SP100: variants seen among roughly 807,000 people sequenced by gnomAD.
The protein encoded by SP100 is nuclear autoantigen Sp-100.
SP100 carries 84 observed loss-of-function variants against 130.0 expected under a neutral mutation model. The observed-to-expected ratio is 0.65, with a 90% confidence interval of 0.54 to 0.77. SP100 has a LOEUF of 0.77. SP100 is among the 30% of genes least tolerant of loss of function. The pLI is 0.00. For synonymous variants in SP100, 331 were observed against 351.7 expected (o/e 0.94, Z 0.66); for missense variants, 978 against 1,052.2 (o/e 0.93, Z 0.97).
At chr2:230,438,999 T>C (rs1460699975) in intron 2 of SP100, among the ~76,000 whole-genome samples, 2 of 152,170 alleles carry the variant, frequency 1.3e-5, no homozygotes, top group African/African-American at 4.8e-5. Context: ...TTTCACCACA[T>C]CCACGCCAAC....
chr2:230,455,124 G>T (rs1376512677), intron 8 of SP100, among the ~76,000 whole-genome samples: 1 of 152,008 alleles, frequency 6.6e-6, no homozygotes, highest in African/African-American at 2.4e-5. Context: ...ACCCAGACTG[G>T]AGTGCACTAG....
At chr2:230,441,993 T>A (rs1458130251) in intron 2 of SP100, among the ~76,000 whole-genome samples, 1 of 152,200 alleles carries the variant, frequency 6.6e-6, no homozygotes, top group Non-Finnish European at 1.5e-5. Context: ...TCTTTGTCAT[T>A]GTGAATCTAA....
At chr2:230,506,512 G>A (rs1363155585) in intron 22 of SP100, 67 bp downstream of exon 22, 1 of 1,545,378 alleles carries the variant, frequency 6.5e-7, no homozygotes, top group Non-Finnish European at 8.8e-7. Flanking sequence ...CCAAGCTTTA[G>A]CAGAATTTCT....
At chr2:230,432,126 A>G (rs942093938) in intron 2 of SP100, among the ~76,000 whole-genome samples, 7 of 152,164 alleles carry the variant, frequency 4.6e-5, no homozygotes, top group Non-Finnish European at 7.4e-5. Flanking sequence ...TTTCATGTAA[A>G]TGGACCATAT....
At chr2:230,492,179 A>G (rs1326173662) in intron 17 of SP100, among the ~76,000 whole-genome samples, 2 of 152,174 alleles carry the variant, frequency 1.3e-5, no homozygotes, top group East Asian at 3.8e-4. Context: ...CCTTTCAGCC[A>G]TTAACCTTGC....
chr2:230,444,095 C>T, intron 3 of SP100, 83 bp from the exon 4 acceptor site: 2 of 1,019,698 alleles, frequency 2.0e-6, no homozygotes, highest in East Asian at 5.0e-5. Context: ...AATTAGAATA[C>T]AGTAACCATA....
chr2:230,466,225 A>G, intron 11 of SP100, 76 bp from the exon 12 acceptor site: 5 of 748,314 alleles, frequency 6.7e-6, no homozygotes, highest in Non-Finnish European at 1.1e-5. Context: ...ACCCAAGCCC[A>G]TTTGCCATGT....
chr2:230,540,521 T>C (rs7574329), intron 25 of SP100, among the ~76,000 whole-genome samples: 4,715 of 152,320 alleles, frequency 0.031, 239 homozygotes, highest in African/African-American at 0.11. Context: ...GATTGACTCA[T>C]AGAGGCCCAA....
chr2:230,515,565 C>A (rs1374933670), intron 24 of SP100: 1 of 1,597,950 alleles, frequency 6.3e-7, no homozygotes, highest in East Asian at 2.3e-5. Context: ...CTGAAAAAAG[C>A]AAGAAAAAGA....
chr2:230,482,581 T>G (rs35393970), intron 17 of SP100, among the ~76,000 whole-genome samples: 2 of 152,030 alleles, frequency 1.3e-5, no homozygotes, highest in African/African-American at 2.4e-5. Context: ...ATTGATTTTT[T>G]TTTTTTAGTG....
intron 2 of SP100, among the ~76,000 whole-genome samples, chr2:230,433,049 CA>C (rs796518765): frequency 5.9e-5 from 9 of 152,190 alleles, no homozygotes; most frequent in African/African-American, 2.2e-4. Flanking sequence ...TTAAGGATTT[CA>C]AAACAGTGAA....
chr2:230,505,731 T>A (rs543716550), intron 21 of SP100, among the ~76,000 whole-genome samples: 375 of 152,320 alleles, frequency 2.5e-3, no homozygotes, highest in African/African-American at 8.1e-3. Flanking sequence ...TAAGCATAAT[T>A]TAACTTCTCC....
In SP100 at chr2:230,417,591, G is replaced by A. The variant is rs756651729; in HGVS notation, c.33G>A (p.Arg11=). Residue 11 remains arginine (R), a splice_region_variant and synonymous_variant, in exon 2 of 29, where the codon AGG becomes AGA. Transcript: ENST00000340126. ...TGGTCCTGCCAAATTGTCTTTCTAG[G>A]AGGCTGAATGAATGTATTTCACCAG... MAGGGGDLST[R]RLNECISPVA... 2 of 1,611,578 alleles carry A rather than the reference G, an allele frequency of 1.2e-6. No individual in the cohort carries two copies.
At chr2:230,458,469 C>T (rs1334070194) in intron 8 of SP100, among the ~76,000 whole-genome samples, 1 of 152,124 alleles carries the variant, frequency 6.6e-6, no homozygotes, top group Non-Finnish European at 1.5e-5. Flanking sequence ...CAAGTGGACT[C>T]ATGTAGTTCA....
chr2:230,436,853 T>C (rs2063283984), intron 2 of SP100, among the ~76,000 whole-genome samples: 1 of 152,154 alleles, frequency 6.6e-6, no homozygotes, highest in Non-Finnish European at 1.5e-5. Context: ...AATATGTATA[T>C]GTGAACACAT....
At chr2:230,418,283 A>C (rs927688938) in intron 2 of SP100, among the ~76,000 whole-genome samples, 14 of 152,070 alleles carry the variant, frequency 9.2e-5, no homozygotes, top group African/African-American at 3.4e-4. Context: ...GTTTCTTGTC[A>C]TTTCTAATTT....
chr2:230,541,244 T>C, intron 26 of SP100, 57 bp from the exon 27 acceptor site: 1 of 1,481,320 alleles, frequency 6.8e-7, no homozygotes, highest in South Asian at 1.1e-5. Flanking sequence ...TGGGCAAGCA[T>C]ATGAGCTCTT....
intron 8 of SP100, among the ~76,000 whole-genome samples, chr2:230,459,918 G>C (rs1476864803): frequency 1.3e-5 from 2 of 152,268 alleles, no homozygotes; most frequent in East Asian, 1.9e-4. Context: ...ACACTGCTTG[G>C]AGTGGTGAAT....
At chr2:230,493,653 T>C (rs1179188004) in intron 17 of SP100, 1 of 145,598 alleles carries the variant, frequency 6.9e-6, no homozygotes, top group Admixed American at 6.7e-5. Flanking sequence ...ATTTCTCTGA[T>C]TTTTTTTTTC....
Sources: allele counts gnomAD v4.1 joint callset (sites outside exome capture counted in the v4.1 genomes callset), GRCh38; gene constraint gnomAD v4.1.1; transcripts MANE v1.5; gene names NCBI Gene and HGNC (gene_info 2026-07-23, HGNC 2026-07-21).